The following MAN2A1 variants were observed in gnomAD, a reference collection of about 807,000 sequenced individuals.
The protein encoded by MAN2A1 is mannosidase alpha class 2A member 1, also known as alpha-mannosidase 2.
In MAN2A1, 76 loss-of-function variants were observed where a neutral mutation model predicts 142.6. The observed-to-expected ratio is 0.53, with a 90% CI of 0.44 to 0.65. MAN2A1 has a LOEUF of 0.65. MAN2A1 is among the 30% of genes least tolerant of loss of function. The pLI, the probability that MAN2A1 is intolerant of heterozygous loss-of-function variation, is 0.00. For synonymous variants in MAN2A1, 559 were observed against 473.2 expected (o/e 1.18, Z -2.35); for missense variants, 1,311 against 1,365.1 (o/e 0.96, Z 0.62).
chr5:109,710,209 A>C (rs1212263075), intron 1 of MAN2A1, among the ~76,000 whole-genome samples: 1 of 152,232 alleles, frequency 6.6e-6, no homozygotes, highest in Non-Finnish European at 1.5e-5. Flanking sequence ...GCTAAATGAG[A>C]TTGAAAGTCA....
chr5:109,852,454 C>T (rs1755508477), intron 19 of MAN2A1, among the ~76,000 whole-genome samples: 1 of 152,206 alleles, frequency 6.6e-6, no homozygotes, highest in Non-Finnish European at 1.5e-5. Flanking sequence ...TGGTCTCTTA[C>T]TATCTCACCA....
chr5:109,818,689 C>T (rs940959009), intron 13 of MAN2A1, among the ~76,000 whole-genome samples: 4 of 152,048 alleles, frequency 2.6e-5, no homozygotes, highest in Non-Finnish European at 4.4e-5. Flanking sequence ...TTGTAAAGCC[C>T]TTACATTCAT....
chr5:109,740,215 G>A (rs1306241905), intron 4 of MAN2A1, among the ~76,000 whole-genome samples: 1 of 152,218 alleles, frequency 6.6e-6, no homozygotes, highest in Non-Finnish European at 1.5e-5. Context: ...CATCCTGCAA[G>A]ATTATATGAG....
intron 4 of MAN2A1, among the ~76,000 whole-genome samples, chr5:109,739,141 C>A (rs1163532218): frequency 6.6e-6 from 1 of 152,128 alleles, no homozygotes; most frequent in African/African-American, 2.4e-5. Context: ...TGTGCTCAGT[C>A]CGTATAATGG....
intron 20 of MAN2A1, among the ~76,000 whole-genome samples, chr5:109,859,150 T>C (rs893870740): frequency 6.6e-6 from 1 of 152,206 alleles, no homozygotes; most frequent in Non-Finnish European, 1.5e-5. Flanking sequence ...AGTTAAATGA[T>C]AAAAATAAAA....
chr5:109,759,505 A>C (rs1258885254), intron 5 of MAN2A1, among the ~76,000 whole-genome samples: 2 of 152,108 alleles, frequency 1.3e-5, no homozygotes, highest in Admixed American at 1.3e-4. Flanking sequence ...TTCCTGTTGA[A>C]CATTTGGGTT....
chr5:109,775,915 AT>A (rs1753278578), intron 8 of MAN2A1, among the ~76,000 whole-genome samples: 5 of 152,050 alleles, frequency 3.3e-5, no homozygotes, highest in African/African-American at 4.8e-5. Context: ...TACAAAATTG[AT>A]TTTTTATTGA....
intron 3 of MAN2A1, among the ~76,000 whole-genome samples, chr5:109,725,410 C>T (rs1392346568): frequency 6.6e-6 from 1 of 152,190 alleles, no homozygotes; most frequent in Non-Finnish European, 1.5e-5. Context: ...TACACCCCTA[C>T]AAACTACAGC....
Position 109,823,783 on chromosome 5 carries a change from G to A in MAN2A1, c.2512G>A (p.Val838Met), listed in dbSNP as rs867018989. The A allele has an allele frequency of 4.4e-6, 7 of 1,608,950 alleles. No homozygotes were observed. Among genetic ancestry groups the A allele is most frequent in the East Asian group, 2.2e-5 (1 of 44,524 alleles). Residue 838 changes from valine (V) to methionine (M), a missense_variant, in exon 16 of 22, where the codon GTG (valine) becomes ATG (methionine). Physicochemically the swap from Val to Met is conservative, Grantham distance 21. Transcript: ENST00000261483. ...GACACATGGAAGGATTTATTCGGAAGTGACTTGCTTTTTTGACCATGTTAC... is the reference window on the plus strand; with the variant it reads ...GACACATGGAAGGATTTATTCGGAAATGACTTGCTTTTTTGACCATGTTAC... ...RVTHGRIYSE[V>M]TCFFDHVTHR...
At chr5:109,817,467 G>T (rs1166445636) in intron 13 of MAN2A1, 29 bp downstream of exon 13, 2 of 1,609,808 alleles carry the variant, frequency 1.2e-6, no homozygotes, top group South Asian at 2.2e-5. Context: ...ACTTAAGGAG[G>T]CATTGTAAAA....
chr5:109,700,281 GT>G (rs5870385), intron 1 of MAN2A1, among the ~76,000 whole-genome samples: 85,609 of 131,302 alleles, frequency 0.65, 27,770 homozygotes, highest in East Asian at 0.89. Context: ...AGTTTTGCCG[GT>G]TTTTTTTTTT....
chr5:109,733,550 T>G (rs568099456), intron 4 of MAN2A1, among the ~76,000 whole-genome samples: 31 of 152,308 alleles, frequency 2.0e-4, no homozygotes, highest in African/African-American at 6.7e-4. Context: ...ATACCTAATT[T>G]ATTGAGAGTT....
rs1036572414 is a variant in MAN2A1, at chr5:109,869,520, G to A, written c.*2522G>A. 2.6e-5 allele frequency: 4 copies of A among 152,000 alleles called. No homozygotes were observed. The highest frequency in any genetic ancestry group is 5.9e-5 in the Non-Finnish European group (4 of 67,986). 9.4% of individuals were successfully genotyped at this position (152,000 alleles called of 1,614,324 possible). A position where few individuals can be genotyped will look rare whatever the true frequency, so the allele number is the denominator to read the frequency against. On this transcript the variant is annotated 3_prime_UTR_variant, in exon 22 of 22. Transcript: ENST00000261483. ...TGTTTGCTTTCATTTTGATCATTTT[G>A]TTCACCTTGGAATCAACAGGTTTTG... is the stretch of plus-strand genomic sequence containing the variant.
intron 5 of MAN2A1, among the ~76,000 whole-genome samples, chr5:109,764,599 T>G (rs760851296): frequency 6.6e-6 from 1 of 152,194 alleles, no homozygotes. Context: ...TTAAAAAATA[T>G]AGTTTACACT....
At chr5:109,759,690 G>A (rs914768926) in intron 5 of MAN2A1, among the ~76,000 whole-genome samples, 1 of 152,164 alleles carries the variant, frequency 6.6e-6, no homozygotes, top group South Asian at 2.1e-4. Flanking sequence ...GTTTTCCAAA[G>A]TGGTGGTGCT....
At chr5:109,852,252 C>T (rs770280013) in intron 19 of MAN2A1, among the ~76,000 whole-genome samples, 7 of 151,910 alleles carry the variant, frequency 4.6e-5, no homozygotes, top group Admixed American at 6.6e-5. Flanking sequence ...TGTTATGATT[C>T]AATGTATTAT....
intron 19 of MAN2A1, chr5:109,853,766 C>A (rs1276673336): frequency 6.6e-6 from 1 of 152,196 alleles, no homozygotes; most frequent in Admixed American, 6.5e-5. Flanking sequence ...TGTTCCCTCT[C>A]TATTCATGTT....
At chr5:109,729,057 A>T (rs1054198030) in intron 3 of MAN2A1, among the ~76,000 whole-genome samples, 26 of 152,228 alleles carry the variant, frequency 1.7e-4, no homozygotes, top group African/African-American at 6.0e-4. Flanking sequence ...TAATTATTAA[A>T]ATATAAATAA....
At chr5:109,841,340 T>A (rs987146762) in intron 16 of MAN2A1, among the ~76,000 whole-genome samples, 11 of 152,222 alleles carry the variant, frequency 7.2e-5, no homozygotes, top group African/African-American at 2.4e-4. Context: ...TCTATCATTC[T>A]TATGCCTTTG....
Sources: allele counts gnomAD v4.1 joint callset (sites outside exome capture counted in the v4.1 genomes callset), GRCh38; gene constraint gnomAD v4.1.1; transcripts MANE v1.5; gene names NCBI Gene and HGNC (gene_info 2026-07-23, HGNC 2026-07-21).